Variants in PKHD1 observed in about 807,000 individuals in gnomAD.
PKHD1 encodes the protein PKHD1 ciliary IPT domain containing fibrocystin/polyductin, also known as fibrocystin.
PKHD1 carries 291 observed loss-of-function variants against 412.0 expected under a neutral mutation model. The ratio of observed to expected loss-of-function variants is 0.71; its 90% CI spans 0.64 to 0.78. PKHD1 has a LOEUF of 0.78. PKHD1 is among the 30% of genes least tolerant of loss of function. The probability of loss-of-function intolerance (pLI) is 0.00; values close to 1 mark genes in which losing one functional copy is unlikely to be tolerated. For missense variants in PKHD1, 4,825 were observed against 4,950.7 expected (o/e 0.97, Z 0.76); for synonymous variants, 1,777 against 1,821.5 (o/e 0.98, Z 0.62).
chr6:51,961,716 T>C (rs755885277), intron 35 of PKHD1, among the ~76,000 whole-genome samples: 4 of 152,008 alleles, frequency 2.6e-5, no homozygotes, highest in Non-Finnish European at 5.9e-5. Context: ...ACAGAGATGG[T>C]AAAGTAAACT....
At chr6:52,003,235 G>A (rs951332849) in intron 35 of PKHD1, among the ~76,000 whole-genome samples, 4 of 152,066 alleles carry the variant, frequency 2.6e-5, no homozygotes, top group Non-Finnish European at 5.9e-5. Context: ...AAATTATGAT[G>A]ACTTAAACAT....
chr6:51,841,975 A>G lies in PKHD1; in HGVS notation c.8108-5506T>C, dbSNP rs139658120. Among the ~76,000 whole-genome samples the G allele has an allele frequency of 7.9e-5, 12 of 152,352 alleles. No homozygotes were observed. The East Asian group carries it at 2.3e-3, about 29-fold the overall frequency. ...TTTTAGGCTCTCCCAAATTAACAGC[A>G]TCTTTTCTGACCCATCTTTGTGATG... On this transcript the variant is annotated intron_variant, in intron 50 of 66. Transcript: ENST00000371117.
intron 34 of PKHD1, among the ~76,000 whole-genome samples, chr6:52,011,514 T>G (rs143747438): frequency 6.6e-6 from 1 of 152,168 alleles, no homozygotes; most frequent in Non-Finnish European, 1.5e-5. Flanking sequence ...CCCAGAGCAG[T>G]GCTCTCAAGT....
chr6:51,889,477 T>C (rs1029964158), intron 43 of PKHD1, among the ~76,000 whole-genome samples: 2 of 152,232 alleles, frequency 1.3e-5, no homozygotes, highest in Non-Finnish European at 2.9e-5. Flanking sequence ...CCCAGTGAAA[T>C]TTAAATTTCA....
At chr6:51,920,055 A>T in intron 37 of PKHD1, among the ~76,000 whole-genome samples, 1 of 152,236 alleles carries the variant, frequency 6.6e-6, no homozygotes, top group Non-Finnish European at 1.5e-5. Flanking sequence ...CTAAATATAC[A>T]ATCATGTAAT....
chr6:51,799,445 T>C (rs1275311334), intron 52 of PKHD1, among the ~76,000 whole-genome samples: 1 of 152,172 alleles, frequency 6.6e-6, no homozygotes, highest in East Asian at 1.9e-4. Flanking sequence ...ATAAATAATG[T>C]GATATACTTG....
intron 66 of PKHD1, among the ~76,000 whole-genome samples, chr6:51,620,066 C>T (rs1305999141): frequency 6.6e-6 from 1 of 152,156 alleles, no homozygotes; most frequent in Non-Finnish European, 1.5e-5. Flanking sequence ...AGAGAGATGG[C>T]ACATTACACT....
intron 60 of PKHD1, among the ~76,000 whole-genome samples, chr6:51,695,455 A>AAGAGGAGGAAGAAGAAGAGGAAGG (rs1219403812): frequency 2.6e-5 from 4 of 152,176 alleles, no homozygotes; most frequent in Non-Finnish European, 5.9e-5. Flanking sequence ...GAAGAGGAAG[A>AAGAGGAGGAAGAAGAAGAGGAAGG]AGAGGAGGAA....
chr6:52,074,907 G>A (rs1335110995), intron 6 of PKHD1, among the ~76,000 whole-genome samples: 1 of 152,194 alleles, frequency 6.6e-6, no homozygotes, highest in Non-Finnish European at 1.5e-5. Context: ...CCCAGAAGGT[G>A]GAAGAGACAC....
intron 35 of PKHD1, among the ~76,000 whole-genome samples, chr6:51,978,370 CT>C (rs1794722908): frequency 6.6e-6 from 1 of 152,126 alleles, no homozygotes; most frequent in Non-Finnish European, 1.5e-5. Context: ...TCAAAGTAGT[CT>C]TTGAAGACTA....
chr6:51,867,906 C>A lies in PKHD1; in HGVS notation c.7690G>T (p.Ala2564Ser), dbSNP rs763113482. 1 of 1,613,120 alleles carries A rather than the reference C, an allele frequency of 6.2e-7. No individual in the cohort carries two copies. The highest frequency in any genetic ancestry group is 2.2e-5 in the East Asian group (1 of 44,882). ...SSFGRVVHGS[A>S]CGGGVLFHRM... ...TGAAAAAGAACACCTCCTCCACAGG[C>A]ACTGCCATGGACAACCCGACCAAAG... The change falls in exon 48 of 67, where the codon GCC becomes TCC. Residue 2564 changes from alanine (A) to serine (S), a missense_variant. Physicochemically the swap from Ala to Ser is moderately conservative, Grantham distance 99. Coordinates refer to ENST00000371117, the MANE Select transcript of PKHD1 (RefSeq NM_138694.4).
chr6:52,056,701 G>A lies in PKHD1; in HGVS notation c.1690C>T (p.Arg564Ter), dbSNP rs765251347. Residue 564 changes from arginine (R) to a stop codon, truncating the protein, a stop_gained, in exon 18 of 67, where the codon CGA becomes TGA. Coordinates refer to ENST00000371117, the MANE Select transcript of PKHD1 (RefSeq NM_138694.4). LOFTEE classifies it high-confidence loss of function. ...SNILLRLGFE[R>*]GPEVSNSDGD... The stretch of plus-strand genomic sequence containing the variant: ...AGAATGAAGCCACGGACAGCACCTC[G>A]TTCAAATCCAAGCCGGAGAAGGATG... The A allele has an allele frequency of 8.7e-6, 14 of 1,610,012 alleles. No homozygotes were observed. Among genetic ancestry groups the A allele is most frequent in the East Asian group, 2.2e-5 (1 of 44,872 alleles).
chr6:51,724,837 G>A (rs998818041), intron 60 of PKHD1, among the ~76,000 whole-genome samples: 15 of 152,104 alleles, frequency 9.9e-5, no homozygotes, highest in Admixed American at 6.6e-4. Flanking sequence ...TACAGTAAAC[G>A]AGAAGGCAAT....
chr6:51,778,431 G>A (rs959505873), intron 53 of PKHD1, among the ~76,000 whole-genome samples: 4 of 152,118 alleles, frequency 2.6e-5, no homozygotes, highest in Admixed American at 6.6e-5. Context: ...GCAAAGAGAG[G>A]TTAAGTAGCT....
chr6:52,076,849 A>G (rs1811396023), intron 5 of PKHD1, among the ~76,000 whole-genome samples: 1 of 152,206 alleles, frequency 6.6e-6, no homozygotes, highest in African/African-American at 2.4e-5. Flanking sequence ...GAGAAACTGG[A>G]TAGGCACACA....
At position 51,619,435 on chromosome 6, in the gene PKHD1, G is replaced by C; in HGVS notation, c.11871C>G (p.Arg3957=). The part of the protein sequence containing the change: ...MNGVSRRKVS[R]HIVREEEAAV... The stretch of plus-strand genomic sequence containing the variant: ...CAGCCTCTTCCTCTCGGACAATGTG[G>C]CGGCTAACTTTCCTTCTGGACACTC... The change falls in exon 67 of 67, where the codon CGC becomes CGG. Residue 3957 remains arginine (R), a synonymous_variant. Coordinates refer to ENST00000371117, the MANE Select transcript of PKHD1 (RefSeq NM_138694.4). 6.2e-7 allele frequency: 1 copy of C among 1,613,842 alleles called. No individual in the cohort carries two copies. The highest frequency in any genetic ancestry group is 8.5e-7 in the Non-Finnish European group (1 of 1,179,736).
At chr6:52,052,723 TTTATA>T (rs753275905) in intron 21 of PKHD1, among the ~76,000 whole-genome samples, 3 of 152,196 alleles carry the variant, frequency 2.0e-5, no homozygotes, top group Non-Finnish European at 4.4e-5. Context: ...TAAGGAGTAC[TTTATA>T]TTAAACTTTA....
intron 19 of PKHD1, 36 bp downstream of exon 19, chr6:52,055,551 C>A (rs1206252685): frequency 6.2e-7 from 1 of 1,611,852 alleles, no homozygotes; most frequent in East Asian, 2.2e-5. Flanking sequence ...CCAATACCTA[C>A]CCACCTGACC....
intron 60 of PKHD1, among the ~76,000 whole-genome samples, chr6:51,701,475 T>C (rs1332629186): frequency 6.6e-6 from 1 of 152,126 alleles, no homozygotes; most frequent in Non-Finnish European, 1.5e-5. Context: ...TCATTTAAAA[T>C]AATCCTCATT....
Sources: allele counts gnomAD v4.1 joint callset (sites outside exome capture counted in the v4.1 genomes callset), GRCh38; gene constraint gnomAD v4.1.1; transcripts MANE v1.5; gene names NCBI Gene and HGNC (gene_info 2026-07-23, HGNC 2026-07-21).